Variants in SLC1A7 observed in about 807,000 individuals in gnomAD.
SLC1A7 encodes the protein solute carrier family 1 member 7.
In SLC1A7, 40 loss-of-function variants were observed where a neutral mutation model predicts 47.7. The observed-to-expected ratio is 0.84, with a 90% CI of 0.65 to 1.09. SLC1A7 has a LOEUF of 1.09. SLC1A7 is among the 50% of genes least tolerant of loss of function. The probability of loss-of-function intolerance (pLI) is 0.00; values close to 1 mark genes in which losing one functional copy is unlikely to be tolerated. For missense variants in SLC1A7, 746 were observed against 769.5 expected (o/e 0.97, Z 0.36); for synonymous variants, 323 against 325.6 (o/e 0.99, Z 0.09).
intron 2 of SLC1A7, among the ~76,000 whole-genome samples, chr1:53,122,184 C>T (rs559133396): frequency 6.6e-6 from 1 of 152,288 alleles, no homozygotes; most frequent in African/African-American, 2.4e-5. Context: ...CTCCCAGTCA[C>T]TGGAGGTGTG....
At chr1:53,130,338 A>G (rs961989395) in intron 2 of SLC1A7, among the ~76,000 whole-genome samples, 2 of 152,110 alleles carry the variant, frequency 1.3e-5, no homozygotes, top group Non-Finnish European at 2.9e-5. Context: ...CTAGTGGGTG[A>G]CCAGCCTGGT....
At chr1:53,136,587 CAT>C (rs1557693351) in intron 1 of SLC1A7, among the ~76,000 whole-genome samples, 3 of 138,806 alleles carry the variant, frequency 2.2e-5, no homozygotes, top group Non-Finnish European at 4.6e-5. Context: ...AATATATAAA[CAT>C]ATATAATATA....
intron 5 of SLC1A7, among the ~76,000 whole-genome samples, chr1:53,099,146 C>T (rs1051132615): frequency 1.9e-4 from 28 of 144,642 alleles, no homozygotes; most frequent in Non-Finnish European, 7.6e-5. Flanking sequence ...TACAGACACA[C>T]GCTGCCTCGG....
At chr1:53,133,216 G>A (rs1320523582) in intron 2 of SLC1A7, among the ~76,000 whole-genome samples, 3 of 152,198 alleles carry the variant, frequency 2.0e-5, no homozygotes, top group Non-Finnish European at 4.4e-5. Flanking sequence ...ACAGAGGACT[G>A]CTGACCCTGA....
At chr1:53,111,390 C>T (rs546929294) in intron 3 of SLC1A7, among the ~76,000 whole-genome samples, 13 of 152,250 alleles carry the variant, frequency 8.5e-5, no homozygotes, top group Middle Eastern at 3.4e-3. Flanking sequence ...GTGCAGGCTA[C>T]GACTTTGTTG....
At chr1:53,105,441 T>C (rs1186393483) in intron 4 of SLC1A7, among the ~76,000 whole-genome samples, 10 of 152,154 alleles carry the variant, frequency 6.6e-5, no homozygotes, top group Non-Finnish European at 1.5e-4. Context: ...CGAGTTACTG[T>C]GTGGATGGGC....
chr1:53,140,952 G>A (rs562380082), intron 1 of SLC1A7, among the ~76,000 whole-genome samples: 1 of 152,164 alleles, frequency 6.6e-6, no homozygotes, highest in Admixed American at 6.5e-5. Flanking sequence ...GGAAGACAAA[G>A]TCTAATGCCT....
chr1:53,092,629 A>T lies in SLC1A7; in HGVS notation c.956T>A (p.Ile319Asn). Residue 319 changes from isoleucine (I) to asparagine (N), a missense_variant, in exon 7 of 11, where the codon ATC (isoleucine) becomes AAC (asparagine). By Grantham distance (149) the Ile-to-Asn change is moderately radical. Coordinates refer to ENST00000371494, the MANE Select transcript of SLC1A7 (RefSeq NM_006671.6). ...GAAGACGATGGGATTCTTCTTGGTG[A>T]TGAAGAAGTAGAGCAGGGGCAGGAT... ...LFILPLLYFF[I>N]TKKNPIVFIR... 1 of 1,614,178 alleles carries T rather than the reference A, an allele frequency of 6.2e-7. No individual in the cohort carries two copies. Among genetic ancestry groups the T allele is most frequent in the Non-Finnish European group, 8.5e-7 (1 of 1,180,026 alleles).
intron 2 of SLC1A7, among the ~76,000 whole-genome samples, chr1:53,131,652 G>T (rs1644942920): frequency 6.6e-6 from 1 of 152,246 alleles, no homozygotes; most frequent in Non-Finnish European, 1.5e-5. Context: ...TGTCCAGAAA[G>T]CACAATGCAT....
At chr1:53,139,651 CA>C (rs1645036153) in intron 1 of SLC1A7, among the ~76,000 whole-genome samples, 1 of 152,254 alleles carries the variant, frequency 6.6e-6, no homozygotes, top group African/African-American at 2.4e-5. Flanking sequence ...GTCTGCAAGA[CA>C]AACTGACTTG....
chr1:53,097,508 ACACTCACACACCCTG>A lies in SLC1A7; in HGVS notation c.698-3963_698-3949del, dbSNP rs777701254. Among the ~76,000 whole-genome samples the A allele has an allele frequency of 1.7e-3, 250 of 151,100 alleles. 4 individuals carry two copies. The highest frequency in any genetic ancestry group is 5.7e-3 in the African/African-American group (234 of 41,018). The stretch of plus-strand genomic sequence containing the variant: ...GTACACTCACACACCCCACCTCGGT[ACACTCACACACCCTG>A]CCTTGGTACAATCACAAAACCCGCC... On this transcript the variant is annotated intron_variant, in intron 5 of 10. Coordinates refer to ENST00000371494, the MANE Select transcript of SLC1A7 (RefSeq NM_006671.6).
rs780492290 is a variant in SLC1A7, at chr1:53,088,907, C to G, written c.1434G>C (p.Arg478=). Residue 478 remains arginine, a synonymous_variant, in exon 10 of 11, where the codon CGG becomes CGC. Coordinates refer to ENST00000371494, the MANE Select transcript of SLC1A7 (RefSeq NM_006671.6). ...LAAGIMAHIC[R]KDFARDTGTE... is the part of the protein sequence containing the mutation. ...TGCCTGTGTCCCGGGCAAAATCCTTCCGACATATATGGGCCATGATCCCCG... is the reference window on the plus strand; with the variant it reads ...TGCCTGTGTCCCGGGCAAAATCCTTGCGACATATATGGGCCATGATCCCCG... 3 of 1,613,950 alleles carry G rather than the reference C, an allele frequency of 1.9e-6. No individual in the cohort carries two copies. In the African/African-American group the frequency reaches 4.0e-5, roughly 22 times the overall value.
intron 3 of SLC1A7, among the ~76,000 whole-genome samples, chr1:53,112,566 A>G (rs1208334508): frequency 6.6e-6 from 1 of 152,244 alleles, no homozygotes; most frequent in Non-Finnish European, 1.5e-5. Flanking sequence ...GGGGGAGGAA[A>G]GGAATGCTTC....
chr1:53,118,816 G>C (rs766155741), intron 2 of SLC1A7, among the ~76,000 whole-genome samples: 4 of 152,092 alleles, frequency 2.6e-5, no homozygotes, highest in Non-Finnish European at 5.9e-5. Flanking sequence ...TGACCAACAC[G>C]GTGAAGCCCC....
chr1:53,092,819 C>CCAGG, intron 6 of SLC1A7, 32 bp from the exon 7 acceptor site: 1 of 1,455,682 alleles, frequency 6.9e-7, no homozygotes, highest in Non-Finnish European at 9.6e-7. Context: ...GGCTCAGGAA[C>CCAGG]CAGGCAGGCA....
At position 53,090,738 on chromosome 1, in the gene SLC1A7, C is replaced by T. The variant is rs374730599; in HGVS notation, c.1100G>A (p.Arg367His). Residue 367 changes from arginine to histidine, a missense_variant, in exon 8 of 11, where the codon CGC becomes CAC. Physicochemically the swap from Arg to His is conservative, Grantham distance 29. Transcript: ENST00000371494. ...GGTGGCACCCACGGGCAGCACGAAG[C>T]GAGCGATGCGCCGGTCGATGTGGTT... ...ENNHIDRRIA[R>H]FVLPVGATIN... The T allele has an allele frequency of 3.0e-5, 49 of 1,613,808 alleles. No homozygotes were observed. Among genetic ancestry groups the T allele is most frequent in the Middle Eastern group, 1.6e-4 (1 of 6,082 alleles).
At chr1:53,092,880 T>C in intron 6 of SLC1A7, 93 bp from the exon 7 acceptor site, 4 of 796,318 alleles carry the variant, frequency 5.0e-6, no homozygotes, top group Non-Finnish European at 6.4e-6. Context: ...CCCCCTGAGC[T>C]TCCTGGGGCT....
chr1:53,142,118 C>T (rs972359988), intron 1 of SLC1A7, among the ~76,000 whole-genome samples, 197 bp downstream of exon 1: 1 of 152,226 alleles, frequency 6.6e-6, no homozygotes, highest in African/African-American at 2.4e-5. Flanking sequence ...CCAGCCACAT[C>T]ACTGGTTCTT....
chr1:53,115,426 A>G, intron 2 of SLC1A7: 1 of 184,390 alleles, frequency 5.4e-6, no homozygotes, highest in South Asian at 1.3e-4. Context: ...CCCCAGAGTG[A>G]GGAGCCCATT....
Sources: gnomAD v4.1 joint callset for allele counts (sites outside exome capture counted in the v4.1 genomes callset) on GRCh38, gnomAD v4.1.1 for gene constraint, MANE v1.5 for transcripts, NCBI Gene and HGNC (gene_info 2026-07-23, HGNC 2026-07-21) for gene names.